ALKBH3: variants seen among roughly 807,000 people sequenced by gnomAD.
ALKBH3 encodes alpha-ketoglutarate-dependent dioxygenase alkB homolog 3.
ALKBH3 carries 51 observed loss-of-function variants against 43.9 expected under a neutral mutation model. That is an observed-to-expected ratio of 1.16 (90% CI 0.93 to 1.47). The LOEUF (loss-of-function observed/expected upper bound fraction) is 1.47. Among genes scored for constraint, ALKBH3 ranks in the 40% most tolerant of loss-of-function variants. ALKBH3 has a pLI of 0.00. For synonymous variants in ALKBH3, 102 were observed against 115.2 expected (o/e 0.89, Z 0.73); for missense variants, 361 against 351.9 (o/e 1.03, Z -0.21).
intron 8 of ALKBH3, chr11:43,912,301 G>T (rs1951946061): frequency 6.6e-6 from 1 of 152,210 alleles, no homozygotes; most frequent in South Asian, 2.1e-4. Context: ...AGCCCAGGGA[G>T]ATCCATGGAC....
At position 43,890,098 on chromosome 11, in the gene ALKBH3, T is replaced by C. The variant is rs190780082; in HGVS notation, c.370+270T>C. ...AAAGGAAATTTGGTTGGCTGAACTA[T>C]GGCTGACATACTTATCTCCTTTTGT... On this transcript the variant is annotated intron_variant, in intron 6 of 9. Coordinates refer to ENST00000302708, the MANE Select transcript of ALKBH3 (RefSeq NM_139178.4). Among the ~76,000 whole-genome samples, 54 of 151,968 alleles carry C rather than the reference T, an allele frequency of 3.6e-4. 1 individual carries two copies. In the East Asian group the frequency reaches 0.01, roughly 29 times the overall value.
Position 43,882,727 on chromosome 11 carries a change from G to C in ALKBH3, c.75G>C (p.Gln25His), listed in dbSNP as rs1327534676. Residue 25 changes from glutamine to histidine, a missense_variant, in exon 2 of 10, where the codon CAG becomes CAC. Transcript: ENST00000302708. ...CTGTTAAAAGCCAGGCCATTGCTCAGCCAGGCAAGAATCTGTAGGGATTTT... is the reference window on the plus strand; with the variant it reads ...CTGTTAAAAGCCAGGCCATTGCTCACCCAGGCAAGAATCTGTAGGGATTTT... ...AAPVKSQAIA[Q>H]PATTAKSHLH... is the part of the protein sequence containing the mutation. The C allele has an allele frequency of 1.5e-5, 24 of 1,611,454 alleles. No individual in the cohort carries two copies. Among genetic ancestry groups the C allele is most frequent in the Non-Finnish European group, 1.9e-5 (22 of 1,179,294 alleles).
intron 5 of ALKBH3, among the ~76,000 whole-genome samples, chr11:43,887,025 A>C (rs1951751069): frequency 6.6e-6 from 1 of 152,174 alleles, no homozygotes; most frequent in Non-Finnish European, 1.5e-5. Context: ...CACCTGGGTG[A>C]TGAAATAATC....
chr11:43,896,071 T>G (rs1951816344), intron 7 of ALKBH3, among the ~76,000 whole-genome samples: 1 of 152,220 alleles, frequency 6.6e-6, no homozygotes, highest in East Asian at 1.9e-4. Flanking sequence ...GCAGACCGAC[T>G]GTGGTTATTC....
Position 43,889,871 on chromosome 11 carries a change from C to T in ALKBH3, c.370+43C>T, listed in dbSNP as rs748129614. 5 of 1,504,016 alleles carry T rather than the reference C, an allele frequency of 3.3e-6. No individual in the cohort carries two copies. In the East Asian group the frequency reaches 9.0e-5, roughly 27 times the overall value. 93.2% of individuals were successfully genotyped at this position (1,504,016 alleles called of 1,614,324 possible). A position where few individuals can be genotyped will look rare whatever the true frequency, so the allele number is the denominator to read the frequency against. On this transcript the variant is annotated intron_variant, in intron 6 of 9. Transcript: ENST00000302708. ...GTCACAGTTGGTGCTGCGTGTTCTC[C>T]CTCTCTGGAATGTTTCCTAGTACCA...
intron 6 of ALKBH3, among the ~76,000 whole-genome samples, chr11:43,890,062 T>C (rs1455363683): frequency 1.3e-5 from 2 of 151,506 alleles, no homozygotes; most frequent in Admixed American, 1.3e-4. Context: ...GAGGTGAGAG[T>C]TCAAGGAACC....
At chr11:43,897,123 G>A (rs1461681641) in intron 7 of ALKBH3, 3 of 403,768 alleles carry the variant, frequency 7.4e-6, no homozygotes, top group African/African-American at 4.2e-5. Flanking sequence ...ATAGAGAGGG[G>A]TCTCAGTTTA....
At chr11:43,909,552 A>G (rs545461819) in intron 8 of ALKBH3, 1 of 152,352 alleles carries the variant, frequency 6.6e-6, no homozygotes, top group African/African-American at 2.4e-5. Context: ...ATAAGGAAAA[A>G]AAGAGGACAT....
chr11:43,896,203 A>T (rs1192065846), intron 7 of ALKBH3, among the ~76,000 whole-genome samples: 2 of 152,232 alleles, frequency 1.3e-5, no homozygotes, highest in East Asian at 3.9e-4. Context: ...CAAAAATTAG[A>T]ATTTTAGAAA....
At chr11:43,912,192 C>T (rs1228372441) in intron 8 of ALKBH3, 2 of 152,192 alleles carry the variant, frequency 1.3e-5, no homozygotes, top group Non-Finnish European at 2.9e-5. Flanking sequence ...CTGCTTTCAT[C>T]ACTTTGTTTT....
At chr11:43,916,708 C>G (rs747085301) in intron 8 of ALKBH3, 1 of 152,204 alleles carries the variant, frequency 6.6e-6, no homozygotes. Flanking sequence ...TCAACTGGAG[C>G]CTTTATGCAC....
chr11:43,911,485 C>T (rs909185285), intron 8 of ALKBH3, among the ~76,000 whole-genome samples: 2 of 152,068 alleles, frequency 1.3e-5, no homozygotes, highest in African/African-American at 4.8e-5. Flanking sequence ...AGTAGGCAGT[C>T]GACTGTGTAA....
At chr11:43,915,913 A>G (rs185949066) in intron 8 of ALKBH3, among the ~76,000 whole-genome samples, 2 of 152,344 alleles carry the variant, frequency 1.3e-5, no homozygotes, top group Admixed American at 6.5e-5. Flanking sequence ...AATGTTTCTT[A>G]ACAGGAAGAC....
chr11:43,890,949 T>C (rs527529278), intron 6 of ALKBH3, among the ~76,000 whole-genome samples: 2 of 152,368 alleles, frequency 1.3e-5, no homozygotes, highest in African/African-American at 4.8e-5. Flanking sequence ...AGATCACTTA[T>C]AATACCTAAT....
chr11:43,884,529 T>C (rs1163556567), intron 4 of ALKBH3, among the ~76,000 whole-genome samples: 1 of 152,210 alleles, frequency 6.6e-6, no homozygotes, highest in Non-Finnish European at 1.5e-5. Flanking sequence ...TAAAATGTTC[T>C]TGTCCAAAGT....
chr11:43,908,730 G>A (rs1218234756), intron 8 of ALKBH3, among the ~76,000 whole-genome samples: 2 of 152,088 alleles, frequency 1.3e-5, no homozygotes, highest in Non-Finnish European at 2.9e-5. Context: ...TAGTATTATT[G>A]CAGCAATAAG....
At chr11:43,918,384 A>ATC (rs1952000277) in intron 8 of ALKBH3, among the ~76,000 whole-genome samples, 2 of 152,220 alleles carry the variant, frequency 1.3e-5, no homozygotes, top group South Asian at 4.1e-4. Flanking sequence ...CAAAGATGTA[A>ATC]ACAGCCAATC....
At chr11:43,907,932 A>T (rs1421234531) in intron 8 of ALKBH3, among the ~76,000 whole-genome samples, 1 of 152,216 alleles carries the variant, frequency 6.6e-6, no homozygotes, top group Non-Finnish European at 1.5e-5. Context: ...CTGGACTAGA[A>T]AGAAACAAGG....
intron 5 of ALKBH3, 34 bp downstream of exon 5, chr11:43,886,687 A>G: frequency 6.3e-7 from 1 of 1,597,690 alleles, no homozygotes; most frequent in Non-Finnish European, 8.6e-7. Flanking sequence ...GACCGTAATT[A>G]TCACTGAGTT....
Sources: allele counts gnomAD v4.1 joint callset (sites outside exome capture counted in the v4.1 genomes callset), GRCh38; gene constraint gnomAD v4.1.1; transcripts MANE v1.5; gene names NCBI Gene and HGNC (gene_info 2026-07-23, HGNC 2026-07-21).